The following FBXW12 variants were observed in gnomAD, a reference collection of about 807,000 sequenced individuals.
FBXW12 encodes F-box/WD repeat-containing protein 12.
Under a neutral mutation model 55.3 loss-of-function variants are expected in FBXW12, and 43 were observed. The ratio of observed to expected loss-of-function variants is 0.78; its 90% CI spans 0.61 to 1.00. FBXW12 has a LOEUF of 1.00. Ranked by LOEUF, FBXW12 falls within the 50% of genes least tolerant of loss-of-function variation. FBXW12 has a pLI of 0.00. For missense variants in FBXW12, 524 were observed against 560.5 expected (o/e 0.93, Z 0.66); for synonymous variants, 184 against 203.8 (o/e 0.90, Z 0.83).
At chr3:48,374,358 T>TG (rs2036651706) in intron 4 of FBXW12, among the ~76,000 whole-genome samples, 1 of 150,238 alleles carries the variant, frequency 6.7e-6, no homozygotes, top group Non-Finnish European at 1.5e-5. Flanking sequence ...GGTTGAGTCT[T>TG]GCTCTGTCAT....
intron 10 of FBXW12, among the ~76,000 whole-genome samples, chr3:48,388,915 CTAT>C (rs2036882423): frequency 6.6e-6 from 1 of 152,138 alleles, no homozygotes. Context: ...ATACAATATG[CTAT>C]TATTAACTAT....
intron 10 of FBXW12, among the ~76,000 whole-genome samples, chr3:48,392,194 T>C (rs2036938138): frequency 6.6e-6 from 1 of 152,202 alleles, no homozygotes; most frequent in South Asian, 2.1e-4. Context: ...GGCTCATGCC[T>C]ATAATCCCAG....
chr3:48,390,806 G>A (rs1486430510), intron 10 of FBXW12, among the ~76,000 whole-genome samples: 1 of 152,038 alleles, frequency 6.6e-6, no homozygotes, highest in Non-Finnish European at 1.5e-5. Context: ...ATTTTGTGGG[G>A]TGCTGTTGTA....
At position 48,373,694 on chromosome 3, in the gene FBXW12, C is replaced by G; in HGVS notation, c.275C>G (p.Thr92Ser). 6.2e-7 allele frequency: 1 copy of G among 1,613,852 alleles called. No homozygotes were observed. Among genetic ancestry groups the G allele is most frequent in the South Asian group, 1.1e-5 (1 of 91,056 alleles). The part of the protein sequence containing the change: ...AQPHNFIYKV[T>S]KNIAFETELA... ...CCGCATAACTTTATCTACAAAGTAA[C>G]TAAGAACATCGGTATGGGTATAGGT... Residue 92 changes from threonine (T) to serine (S), a missense_variant, in exon 4 of 11, where the codon ACT (threonine) becomes AGT (serine). By Grantham distance (58) the Thr-to-Ser change is moderately conservative. Transcript: ENST00000296438.
At chr3:48,379,761 A>G (rs903785003) in intron 7 of FBXW12, 12 of 540,362 alleles carry the variant, frequency 2.2e-5, no homozygotes. Context: ...ATGTTTAACA[A>G]AAACTCGTTC....
chr3:48,378,518 T>C lies in FBXW12; in HGVS notation c.607T>C (p.Phe203Leu), dbSNP rs778259952. 1.2e-6 allele frequency: 2 copies of C among 1,613,742 alleles called. No individual in the cohort carries two copies. Among genetic ancestry groups the C allele is most frequent in the Non-Finnish European group, 1.7e-6 (2 of 1,179,924 alleles). Residue 203 changes from phenylalanine (F) to leucine (L), a missense_variant, in exon 6 of 11, where the codon TTC becomes CTC. Transcript: ENST00000296438. ...MEAYLTKDGP[F>L]LMVGDAAGDI... Reference sequence around the variant, plus strand: ...AGCCTATCTTACAAAGGATGGCCCATTCCTGATGGTAAGTGAGCCCTGAAT... The same window carrying C: ...AGCCTATCTTACAAAGGATGGCCCACTCCTGATGGTAAGTGAGCCCTGAAT...
Position 48,372,704 on chromosome 3 carries a change from C to A in FBXW12, c.-64C>A, listed in dbSNP as rs192700941. On this transcript the variant is annotated 5_prime_UTR_variant, in exon 2 of 11. Transcript: ENST00000296438. The stretch of plus-strand genomic sequence containing the variant: ...ACAAGTGCTGCAGACTTTGGCAAAG[C>A]CTATAAATTCAGAGCAGCCCGGAGA... 7.4e-6 allele frequency: 12 copies of A among 1,612,906 alleles called. No homozygotes were observed. Among genetic ancestry groups the A allele is most frequent in the Admixed American group, 5.0e-5 (3 of 59,958 alleles).
intron 5 of FBXW12, 136 bp downstream of exon 5, chr3:48,375,608 G>A (rs2036671468): frequency 3.3e-6 from 2 of 615,256 alleles, no homozygotes; most frequent in South Asian, 4.2e-5. Flanking sequence ...TTTCTATCAT[G>A]TAATTTGTGA....
intron 4 of FBXW12, 84 bp from the exon 5 acceptor site, chr3:48,375,270 T>C: frequency 1.1e-6 from 1 of 876,562 alleles, no homozygotes; most frequent in Non-Finnish European, 1.9e-6. Flanking sequence ...CCTAAGAGGG[T>C]ACAGAAATAT....
chr3:48,389,408 T>C lies in FBXW12; in HGVS notation c.1296-5152T>C, dbSNP rs185508373. Among the ~76,000 whole-genome samples the C allele has an allele frequency of 2.6e-4, 39 of 152,290 alleles. 2 individuals carry two copies. The East Asian group carries it at 7.3e-3, about 29-fold the overall frequency. On this transcript the variant is annotated intron_variant, in intron 10 of 10. Coordinates refer to ENST00000296438, the MANE Select transcript of FBXW12 (RefSeq NM_207102.2). Reference sequence around the variant, plus strand: ...TTTGTTTGGTTTTTGAGATGGAGTCTCACTCTGTCACGTAGGCTGGAGTAC... The same window carrying C: ...TTTGTTTGGTTTTTGAGATGGAGTCCCACTCTGTCACGTAGGCTGGAGTAC...
At chr3:48,379,911 T>A (rs1361001752) in intron 7 of FBXW12, 1 of 251,598 alleles carries the variant, frequency 4.0e-6, no homozygotes, top group Non-Finnish European at 7.8e-6. Flanking sequence ...GCCCAGGAGT[T>A]CCAGGCCATA....
Position 48,373,624 on chromosome 3 carries a change from T to C in FBXW12, c.205T>C (p.Phe69Leu). ...HLGTHTWKQF[F>L]LHQRRKELRL... ...GGGCACACACACATGGAAGCAATTT[T>C]TCCTGCATCAAAGAAGGAAGGAGCT... Residue 69 changes from phenylalanine to leucine, a missense_variant, in exon 4 of 11, where the codon TTC becomes CTC. Physicochemically the swap from Phe to Leu is conservative, Grantham distance 22. Transcript: ENST00000296438. The C allele has an allele frequency of 6.2e-7, 1 of 1,614,178 alleles. No homozygotes were observed. Among genetic ancestry groups the C allele is most frequent in the Non-Finnish European group, 8.5e-7 (1 of 1,180,042 alleles).
At chr3:48,376,819 T>C (rs373542505) in intron 5 of FBXW12, among the ~76,000 whole-genome samples, 35 of 152,342 alleles carry the variant, frequency 2.3e-4, no homozygotes, top group African/African-American at 7.9e-4. Flanking sequence ...TGAGTCCTAA[T>C]TGACAAATTG....
intron 5 of FBXW12, 61 bp downstream of exon 5, chr3:48,375,533 T>C: frequency 2.0e-6 from 2 of 1,000,160 alleles, no homozygotes; most frequent in Non-Finnish European, 3.0e-6. Flanking sequence ...GTTCTATATA[T>C]GAAACGGAAG....
At position 48,375,426 on chromosome 3, in the gene FBXW12, G is replaced by C. The variant is rs201120041; in HGVS notation, c.359G>C (p.Cys120Ser). ...TVDEQEKSII[C>S]SVSPKQELCA... Reference sequence around the variant, plus strand: ...GATGAACAGGAGAAATCAATCATTTGTAGTGTATCTCCAAAGCAAGAGCTT... The same window carrying C: ...GATGAACAGGAGAAATCAATCATTTCTAGTGTATCTCCAAAGCAAGAGCTT... The change falls in exon 5 of 11, where the codon TGT becomes TCT. Residue 120 changes from cysteine (C) to serine (S), a missense_variant. By Grantham distance (112) the Cys-to-Ser change is moderately radical. Transcript: ENST00000296438. 5.0e-6 allele frequency: 8 copies of C among 1,612,530 alleles called. No homozygotes were observed. Among genetic ancestry groups the C allele is most frequent in the Non-Finnish European group, 6.8e-6 (8 of 1,179,582 alleles).
At chr3:48,384,391 G>T (rs556163089) in intron 10 of FBXW12, among the ~76,000 whole-genome samples, 1 of 151,976 alleles carries the variant, frequency 6.6e-6, no homozygotes, top group East Asian at 1.9e-4. Flanking sequence ...CTTGTATCCC[G>T]CAACCTTGCT....
chr3:48,394,512 ACCTACTTTCTCT>A, intron 10 of FBXW12, 36 bp from the exon 11 acceptor site: 1 of 1,051,252 alleles, frequency 9.5e-7, no homozygotes, highest in Non-Finnish European at 1.5e-6. Flanking sequence ...CAATGGATGT[ACCTACTTTCTCT>A]TTTGTTCACT....
At chr3:48,372,524 C>A in intron 1 of FBXW12, 160 bp from the exon 2 acceptor site, 1 of 1,018,352 alleles carries the variant, frequency 9.8e-7, no homozygotes, top group Non-Finnish European at 1.4e-6. Flanking sequence ...CTCCTCTAAA[C>A]AATGAACAGC....
At chr3:48,385,368 G>A (rs943481946) in intron 10 of FBXW12, among the ~76,000 whole-genome samples, 2 of 147,794 alleles carry the variant, frequency 1.4e-5, no homozygotes, top group South Asian at 2.1e-4. Context: ...GTGTGTGTGT[G>A]TGTATGTATC....
Sources: allele counts gnomAD v4.1 joint callset (sites outside exome capture counted in the v4.1 genomes callset), GRCh38; gene constraint gnomAD v4.1.1; transcripts MANE v1.5; gene names NCBI Gene and HGNC (gene_info 2026-07-23, HGNC 2026-07-21).